PDXDC1: variants seen among roughly 807,000 people sequenced by gnomAD.
The protein encoded by PDXDC1 is pyridoxal dependent decarboxylase domain containing 1, also known as pyridoxal-dependent decarboxylase domain-containing protein 1.
PDXDC1 carries 42 observed loss-of-function variants against 100.1 expected under a neutral mutation model. The observed-to-expected ratio is 0.42, with a 90% CI of 0.33 to 0.54. The LOEUF (loss-of-function observed/expected upper bound fraction) is 0.54. Ranked by LOEUF, PDXDC1 falls within the 20% of genes least tolerant of loss-of-function variation. PDXDC1 has a pLI of 0.10. For synonymous variants in PDXDC1, 260 were observed against 371.7 expected, an observed-to-expected ratio of 0.70 and a Z score of 3.46; for missense variants, 636 against 979.2, an observed-to-expected ratio of 0.65 and a Z score of 4.68.
At chr16:15,150,332 C>T in the PDXDC1 span, among the ~76,000 whole-genome samples, 9 of 149,238 alleles carry the variant, frequency 6.0e-5, no homozygotes, top group African/African-American at 2.0e-4. Flanking sequence ...CAGAGTGAGA[C>T]TCCATCTCAA....
At chr16:15,074,957 T>G (rs749383807) in intron 16 of PDXDC1, 4 of 1,267,380 alleles carry the variant, frequency 3.2e-6, no homozygotes, top group African/African-American at 1.5e-5. Flanking sequence ...CCTTAAAAGA[T>G]AAAACAAAGA....
intron 16 of PDXDC1, chr16:15,093,997 G>A (rs2046246548): frequency 1.5e-5 from 11 of 715,496 alleles, no homozygotes; most frequent in South Asian, 1.1e-4. Flanking sequence ...GGAGGAATGA[G>A]CTCATTTCTG....
intron 1 of PDXDC1, among the ~76,000 whole-genome samples, chr16:14,995,143 G>A (rs1283139415): frequency 6.6e-6 from 1 of 152,288 alleles, no homozygotes; most frequent in Non-Finnish European, 1.5e-5. Context: ...TCCTTCTCCT[G>A]CCTCATTGCC....
At chr16:15,128,832 G>A (rs1195429089) in intron 16 of PDXDC1, among the ~76,000 whole-genome samples, 1 of 148,742 alleles carries the variant, frequency 6.7e-6, no homozygotes, top group African/African-American at 2.5e-5. Context: ...TTGAGATGGA[G>A]TCTTGCTGTG....
chr16:15,128,971 A>G (rs1379824977), intron 16 of PDXDC1, among the ~76,000 whole-genome samples: 1 of 149,386 alleles, frequency 6.7e-6, no homozygotes, highest in Non-Finnish European at 1.5e-5. Flanking sequence ...ACGCCGGCCT[A>G]ATTTTTTTGT....
At chr16:15,097,395 C>G (rs1366169154) in intron 16 of PDXDC1, among the ~76,000 whole-genome samples, 4 of 143,724 alleles carry the variant, frequency 2.8e-5, no homozygotes, top group African/African-American at 1.0e-4. Context: ...GAGGCCGAGG[C>G]AGGCGGATCA....
intron 16 of PDXDC1, chr16:15,068,405 A>C (rs1567191740): frequency 7.2e-6 from 9 of 1,249,448 alleles, no homozygotes; most frequent in Admixed American, 5.8e-5. Context: ...GAAATGCTTT[A>C]AATAAAGGTC....
chr16:15,030,475 G>C lies in PDXDC1; in HGVS notation c.1399+419G>C, dbSNP rs2151631459. ...GCAGGAGAATCACTTGAACCTGGGA[G>C]GCCGAGGTTGCAGTGAGCTGAGATT... On this transcript the variant is annotated intron_variant, in intron 16 of 22. Coordinates refer to ENST00000396410, the MANE Select transcript of PDXDC1 (RefSeq NM_015027.4). 2.1e-5 allele frequency among the ~76,000 whole-genome samples: 3 copies of C among 143,004 alleles called. No individual in the cohort carries two copies. In the Middle Eastern group the frequency reaches 0.011, roughly 538 times the overall value. The allele number at this position is 143,004 out of a possible 152,430, so 93.8% of individuals were successfully genotyped here. A position where few individuals can be genotyped will look rare whatever the true frequency, so the allele number is the denominator to read the frequency against.
chr16:15,015,920 C>T, intron 8 of PDXDC1: 1 of 1,178,788 alleles, frequency 8.5e-7, no homozygotes, highest in Admixed American at 3.0e-5. Flanking sequence ...CAATTAGATA[C>T]ATGTAATAGA....
intron 16 of PDXDC1, among the ~76,000 whole-genome samples, chr16:15,124,945 G>A (rs1466050422): frequency 1.3e-5 from 2 of 151,012 alleles, no homozygotes; most frequent in East Asian, 3.9e-4. Context: ...TTAGGAGTTC[G>A]AGACCAGCCT....
At chr16:15,126,918 A>C in intron 16 of PDXDC1, 1 of 225,826 alleles carries the variant, frequency 4.4e-6, no homozygotes, top group Non-Finnish European at 8.9e-6. Context: ...TCGGCCTCCC[A>C]AAGTGTTGGG....
At chr16:15,035,747 G>A (rs1194762214) in intron 22 of PDXDC1, among the ~76,000 whole-genome samples, 194 bp downstream of exon 22, 1 of 152,140 alleles carries the variant, frequency 6.6e-6, no homozygotes, top group East Asian at 1.9e-4. Context: ...AGGGGAAGTT[G>A]GGGTCTTGAA....
chr16:15,007,638 GA>G (rs1417285591), intron 6 of PDXDC1, among the ~76,000 whole-genome samples: 1 of 152,276 alleles, frequency 6.6e-6, no homozygotes, highest in Non-Finnish European at 1.5e-5. Context: ...GGATGTATGG[GA>G]GACACTTAGT....
intron 13 of PDXDC1, among the ~76,000 whole-genome samples, chr16:15,023,608 G>A (rs113427321): frequency 0.031 from 4,742 of 150,878 alleles, no homozygotes; most frequent in Middle Eastern, 0.052. Context: ...GCAGTGAGCC[G>A]AGATTGCGCC....
intron 16 of PDXDC1, among the ~76,000 whole-genome samples, chr16:15,129,186 C>T (rs2047922062): frequency 6.6e-6 from 1 of 151,906 alleles, no homozygotes; most frequent in Non-Finnish European, 1.5e-5. Context: ...AATGGGAACA[C>T]GGCCAGGTGT....
downstream of PDXDC1, among the ~76,000 whole-genome samples, chr16:15,043,305 G>A (rs1246332811): frequency 6.6e-6 from 1 of 152,178 alleles, no homozygotes; most frequent in Admixed American, 6.5e-5. Context: ...CAAAGTGCTG[G>A]GATTACAGGC....
chr16:15,151,810 A>T, the PDXDC1 span, among the ~76,000 whole-genome samples: 2 of 127,602 alleles, frequency 1.6e-5, no homozygotes, highest in Admixed American at 1.6e-4. Flanking sequence ...GCACGCCTGT[A>T]ATCCCAGCTA....
At chr16:15,033,031 A>G (rs1355256766) in intron 18 of PDXDC1, 52 bp downstream of exon 18, 1 of 1,201,638 alleles carries the variant, frequency 8.3e-7, no homozygotes, top group Non-Finnish European at 1.2e-6. Flanking sequence ...ACACTTGGTA[A>G]CCGGCTTTGA....
downstream of PDXDC1, among the ~76,000 whole-genome samples, chr16:15,139,621 G>T (rs1271814039): frequency 6.7e-6 from 1 of 150,326 alleles, no homozygotes; most frequent in South Asian, 2.1e-4. Context: ...TCTCTACAAG[G>T]AAAAAAAGAA....
Sources: allele counts gnomAD v4.1 joint callset (sites outside exome capture counted in the v4.1 genomes callset), GRCh38; gene constraint gnomAD v4.1.1; transcripts MANE v1.5; gene names NCBI Gene and HGNC (gene_info 2026-07-23, HGNC 2026-07-21).